Variants in DOCK2 observed in about 807,000 individuals in gnomAD.
The protein encoded by DOCK2 is dedicator of cytokinesis protein 2.
A neutral mutation model predicts 248.9 loss-of-function variants in DOCK2; 87 were observed. The ratio of observed to expected loss-of-function variants is 0.35; its 90% confidence interval spans 0.29 to 0.42. The LOEUF (loss-of-function observed/expected upper bound fraction) is 0.42. Among genes scored for constraint, DOCK2 ranks in the 10% least tolerant of loss-of-function variants. The pLI is 1.00. For missense variants in DOCK2, 1,747 were observed against 2,300.2 expected (o/e 0.76, Z 4.92); for synonymous variants, 805 against 821.6 (o/e 0.98, Z 0.35).
chr5:169,995,908 C>T (rs1322597161), intron 29 of DOCK2, among the ~76,000 whole-genome samples, 178 bp from the exon 30 acceptor site: 1 of 152,186 alleles, frequency 6.6e-6, no homozygotes. Context: ...GCAAGGCAAA[C>T]AGCCCCGAGT....
At chr5:169,749,849 C>T (rs935687391) in intron 23 of DOCK2, among the ~76,000 whole-genome samples, 2 of 152,198 alleles carry the variant, frequency 1.3e-5, no homozygotes, top group African/African-American at 4.8e-5. Context: ...TATTCCTAAC[C>T]CCTTCATCAT....
At chr5:169,776,048 A>G (rs939041914) in intron 25 of DOCK2, among the ~76,000 whole-genome samples, 2 of 151,790 alleles carry the variant, frequency 1.3e-5, no homozygotes, top group Admixed American at 6.6e-5. Context: ...GACATTTGGA[A>G]ATGTATAAAA....
At chr5:169,915,472 T>A (rs142514979) in intron 27 of DOCK2, among the ~76,000 whole-genome samples, 385 of 152,102 alleles carry the variant, frequency 2.5e-3, no homozygotes, top group Middle Eastern at 0.024. Flanking sequence ...GTAACTAATA[T>A]ATTGAATCTC....
intron 27 of DOCK2, among the ~76,000 whole-genome samples, chr5:169,961,076 G>A (rs538177080): frequency 2.0e-5 from 3 of 152,354 alleles, no homozygotes; most frequent in South Asian, 2.1e-4. Flanking sequence ...ATGAGTGAGT[G>A]ATGGTAGTGA....
chr5:170,079,938 A>T, intron 49 of DOCK2: 1 of 575,156 alleles, frequency 1.7e-6, no homozygotes, highest in Non-Finnish European at 2.9e-6. Flanking sequence ...ATGATAGTCT[A>T]AATGAATGTC....
chr5:169,779,083 C>T (rs1186129852), intron 25 of DOCK2, among the ~76,000 whole-genome samples: 1 of 152,114 alleles, frequency 6.6e-6, no homozygotes, highest in Non-Finnish European at 1.5e-5. Flanking sequence ...CTCAATTTTG[C>T]TGTGAACCTA....
chr5:169,982,267 A>T (rs773233689), intron 27 of DOCK2, among the ~76,000 whole-genome samples: 6 of 152,012 alleles, frequency 3.9e-5, no homozygotes, highest in Non-Finnish European at 8.8e-5. Flanking sequence ...TCCAGAATAG[A>T]TCTCCCTGAA....
chr5:169,922,181 A>T lies in DOCK2; in HGVS notation c.2800-60887A>T, dbSNP rs2113654355. Among the ~76,000 whole-genome samples, 6 of 152,318 alleles carry T rather than the reference A, an allele frequency of 3.9e-5. No individual in the cohort carries two copies. The Middle Eastern group carries it at 0.014, about 345-fold the overall frequency. On this transcript the variant is annotated intron_variant, in intron 27 of 51. Coordinates refer to ENST00000520908, the MANE Select transcript of DOCK2 (RefSeq NM_004946.3). The stretch of plus-strand genomic sequence containing the variant: ...GCATAGCTAGGGTGCAGCTTTTGGA[A>T]GAAGCTCTCCAGAAAAAATTACAGT...
At chr5:169,754,777 ACTT>A (rs1285524032) in intron 23 of DOCK2, among the ~76,000 whole-genome samples, 1 of 152,028 alleles carries the variant, frequency 6.6e-6, no homozygotes, top group Non-Finnish European at 1.5e-5. Flanking sequence ...AAGTTATTTA[ACTT>A]CTTCTCCATG....
At chr5:169,905,153 T>G (rs1039290659) in intron 27 of DOCK2, among the ~76,000 whole-genome samples, 6 of 152,310 alleles carry the variant, frequency 3.9e-5, no homozygotes, top group South Asian at 2.1e-4. Flanking sequence ...CAAACTCACA[T>G]GGCTTCAGGG....
intron 41 of DOCK2, among the ~76,000 whole-genome samples, chr5:170,054,683 A>G (rs1263428035): frequency 2.6e-5 from 4 of 152,202 alleles, no homozygotes; most frequent in African/African-American, 9.6e-5. Flanking sequence ...TCACCCAAGG[A>G]TCTTTTACAG....
At chr5:169,732,646 C>T (rs1762841466) in intron 22 of DOCK2, among the ~76,000 whole-genome samples, 1 of 152,110 alleles carries the variant, frequency 6.6e-6, no homozygotes, top group African/African-American at 2.4e-5. Flanking sequence ...ACATATGGTC[C>T]ACAGTCAAGT....
chr5:169,980,940 C>T (rs894871560), intron 27 of DOCK2, among the ~76,000 whole-genome samples: 1 of 152,128 alleles, frequency 6.6e-6, no homozygotes, highest in Non-Finnish European at 1.5e-5. Flanking sequence ...TGATCTCCGC[C>T]GGATTTGCAT....
chr5:170,042,267 C>A, intron 38 of DOCK2, 135 bp downstream of exon 38: 1 of 1,142,348 alleles, frequency 8.8e-7, no homozygotes, highest in South Asian at 1.6e-5. Flanking sequence ...CTTCTCTCCA[C>A]TTCCTCTCCA....
chr5:169,672,900 CT>C (rs890936142), intron 5 of DOCK2, among the ~76,000 whole-genome samples: 1 of 152,212 alleles, frequency 6.6e-6, no homozygotes, highest in African/African-American at 2.4e-5. Flanking sequence ...CAGGATCAGC[CT>C]TGTGGAAGAG....
chr5:169,957,838 C>T (rs181502925), intron 27 of DOCK2, among the ~76,000 whole-genome samples: 1 of 152,292 alleles, frequency 6.6e-6, no homozygotes, highest in East Asian at 1.9e-4. Context: ...CTCCCCTGCT[C>T]CCCACCTGCA....
In DOCK2 at chr5:169,716,249, A is replaced by C. The variant is rs1286133001; in HGVS notation, c.1978A>C (p.Met660Leu). 1.2e-6 allele frequency: 2 copies of C among 1,613,674 alleles called. No homozygotes were observed. The highest frequency in any genetic ancestry group is 4.5e-5 in the East Asian group (2 of 44,870). The change falls in exon 20 of 52, where the codon ATG (methionine) becomes CTG (leucine). Residue 660 changes from methionine to leucine, a missense_variant. This residue lies in a region of DOCK2 where 858 missense variants were observed against 1,183.5 expected (regional missense o/e 0.72). Transcript: ENST00000520908. Reference protein sequence around the residue: ...QDTLDALFNIMMEHSQSDEYD... With the variant: ...QDTLDALFNILMEHSQSDEYD... ...TACTCTGGATGCCCTCTTCAACATC[A>C]TGATGGAGCATTCTCAAAGTGATGA...
At chr5:170,015,279 T>C (rs1233899884) in intron 32 of DOCK2, among the ~76,000 whole-genome samples, 1 of 152,192 alleles carries the variant, frequency 6.6e-6, no homozygotes, top group Admixed American at 6.5e-5. Context: ...GATTTTATTA[T>C]CTTCATCTTA....
chr5:169,985,932 T>C lies in DOCK2; in HGVS notation c.2993+10T>C, dbSNP rs775561789. 6.2e-7 allele frequency: 1 copy of C among 1,600,240 alleles called. No individual in the cohort carries two copies. Among genetic ancestry groups the C allele is most frequent in the Non-Finnish European group, 8.5e-7 (1 of 1,171,820 alleles). On this transcript the variant is annotated intron_variant, in intron 29 of 51. Transcript: ENST00000520908. ...GCATGGTTCAAAACAGGTGAGCTGCTACCTGCTTCCGCAAAGCTACCTTAC... is the reference window on the plus strand; with the variant it reads ...GCATGGTTCAAAACAGGTGAGCTGCCACCTGCTTCCGCAAAGCTACCTTAC...
Sources: allele counts gnomAD v4.1 joint callset (sites outside exome capture counted in the v4.1 genomes callset), GRCh38; gene constraint gnomAD v4.1.1; regional missense constraint gnomAD v4.1.1; transcripts MANE v1.5; gene names NCBI Gene and HGNC (gene_info 2026-07-23, HGNC 2026-07-21).